APPL1: variants seen among roughly 807,000 people sequenced by gnomAD.
APPL1 encodes the protein DCC-interacting protein 13-alpha.
In APPL1, 42 loss-of-function variants were observed where a neutral mutation model predicts 106.8. That is an observed-to-expected ratio of 0.39 (90% confidence interval 0.31 to 0.51). The LOEUF is 0.51. Ranked by LOEUF, APPL1 falls within the 20% of genes least tolerant of loss-of-function variation. The probability of loss-of-function intolerance (pLI) is 0.75; values close to 1 mark genes in which losing one functional copy is unlikely to be tolerated. For missense variants in APPL1, 769 were observed against 858.2 expected, an observed-to-expected ratio of 0.90 and a Z score of 1.30; for synonymous variants, 263 against 281.8, an observed-to-expected ratio of 0.93 and a Z score of 0.67.
Position 57,273,060 on chromosome 3 carries a change from G to GACATAAAGATTT in APPL1, c.*3374_*3385dup. On this transcript the variant is annotated 3_prime_UTR_variant, in exon 22 of 22. Coordinates refer to ENST00000288266, the MANE Select transcript of APPL1 (RefSeq NM_012096.3). ...TTTGTCTTTCTACATTAACTAGTAA[G>GACATAAAGATTT]ACATAAAGATTTGAAACTGGAACTA... 1 of 152,684 alleles carries GACATAAAGATTT rather than the reference G, an allele frequency of 6.5e-6. No individual in the cohort carries two copies. Among genetic ancestry groups the GACATAAAGATTT allele is most frequent in the Middle Eastern group, 3.4e-3 (1 of 294 alleles). The allele number at this position is 152,684 out of a possible 1,614,324, so 9.5% of individuals were successfully genotyped here. A position where few individuals can be genotyped will look rare whatever the true frequency, so the allele number is the denominator to read the frequency against.
In APPL1 at chr3:57,249,530, C is replaced by T. The variant is rs141281784; in HGVS notation, c.1034C>T (p.Thr345Ile). 412 of 1,581,248 alleles carry T rather than the reference C, an allele frequency of 2.6e-4. No homozygotes were observed. The highest frequency in any genetic ancestry group is 3.4e-4 in the Non-Finnish European group (400 of 1,166,448). Residue 345 changes from threonine (T) to isoleucine (I), a missense_variant, in exon 11 of 22, where the codon ACC becomes ATC. Coordinates refer to ENST00000288266, the MANE Select transcript of APPL1 (RefSeq NM_012096.3). Reference sequence around the variant, plus strand: ...GACAGACGATATTGTTTTCAGATCACCTCTTTCGATGGAAAAAAGTTAGTA... The same window carrying T: ...GACAGACGATATTGTTTTCAGATCATCTCTTTCGATGGAAAAAAGTTAGTA... Reference protein sequence around the residue: ...CEDRRYCFQITSFDGKKSSIL... With the variant: ...CEDRRYCFQIISFDGKKSSIL...
intron 8 of APPL1, among the ~76,000 whole-genome samples, chr3:57,246,648 AG>A: frequency 6.6e-6 from 1 of 152,196 alleles, no homozygotes; most frequent in Non-Finnish European, 1.5e-5. Flanking sequence ...TACATCAGGA[AG>A]GGGGCTAGAA....
intron 12 of APPL1, among the ~76,000 whole-genome samples, chr3:57,252,579 T>C (rs1297699334): frequency 1.3e-5 from 2 of 152,218 alleles, no homozygotes; most frequent in East Asian, 1.9e-4. Flanking sequence ...ACTGTTGCTG[T>C]CTGGCAGGCT....
intron 19 of APPL1, 108 bp downstream of exon 19, chr3:57,260,882 A>ACTAAT: frequency 1.7e-6 from 2 of 1,193,152 alleles, no homozygotes; most frequent in Middle Eastern, 2.6e-4. Flanking sequence ...GTAATTACTG[A>ACTAAT]TTGAATTCTT....
intron 4 of APPL1, among the ~76,000 whole-genome samples, chr3:57,239,401 T>C (rs2060733407): frequency 6.6e-6 from 1 of 152,236 alleles, no homozygotes; most frequent in East Asian, 1.9e-4. Flanking sequence ...CTTCTTTATG[T>C]CTGTTTTCAC....
chr3:57,238,758 A>G (rs1381338978), intron 4 of APPL1, among the ~76,000 whole-genome samples: 2 of 152,218 alleles, frequency 1.3e-5, no homozygotes, highest in Non-Finnish European at 2.9e-5. Flanking sequence ...TAAAGAAATA[A>G]TGTAATTTTT....
At chr3:57,242,826 G>C in intron 6 of APPL1, 30 bp from the exon 7 acceptor site, 1 of 1,540,214 alleles carries the variant, frequency 6.5e-7, no homozygotes, top group Admixed American at 1.7e-5. Context: ...AAGTACTGTT[G>C]TATTGTTAAC....
intron 5 of APPL1, among the ~76,000 whole-genome samples, chr3:57,241,314 G>A (rs535721798): frequency 1.6e-4 from 25 of 152,228 alleles, no homozygotes; most frequent in Middle Eastern, 3.4e-3. Flanking sequence ...AGGGGTACTG[G>A]CACATCTAAC....
intron 1 of APPL1, chr3:57,230,654 G>C: frequency 3.3e-6 from 1 of 307,634 alleles, no homozygotes; most frequent in South Asian, 2.7e-5. Flanking sequence ...TTTATAAATA[G>C]GGCTGAGATT....
At chr3:57,245,612 G>C (rs1050628948) in intron 7 of APPL1, among the ~76,000 whole-genome samples, 2 of 149,656 alleles carry the variant, frequency 1.3e-5, no homozygotes, top group Admixed American at 1.3e-4. Context: ...GTGTGATCTT[G>C]GCTCACTGCA....
Position 57,270,414 on chromosome 3 carries a change from G to C in APPL1, c.*727G>C, listed in dbSNP as rs1428117521. ...TCAGGTTGGGACTTCAATTACTGCT[G>C]CAGAGCAGTAGTGGTTAAAAATAAG... On this transcript the variant is annotated 3_prime_UTR_variant, in exon 22 of 22. Coordinates refer to ENST00000288266, the MANE Select transcript of APPL1 (RefSeq NM_012096.3). 3 of 152,596 alleles carry C rather than the reference G, an allele frequency of 2.0e-5. No homozygotes were observed. Among genetic ancestry groups the C allele is most frequent in the Admixed American group, 2.0e-4 (3 of 15,284 alleles). 9.5% of individuals were successfully genotyped at this position (152,596 alleles called of 1,614,324 possible).
intron 18 of APPL1, 72 bp from the exon 19 acceptor site, chr3:57,260,556 A>T: frequency 3.6e-6 from 5 of 1,371,300 alleles, no homozygotes; most frequent in Non-Finnish European, 4.9e-6. Flanking sequence ...AACTTAGCAT[A>T]TGAGTTTGTC....
At position 57,257,293 on chromosome 3, in the gene APPL1, G is replaced by T. The variant is rs150911867; in HGVS notation, c.1295G>T (p.Gly432Val). 1 of 1,613,940 alleles carries T rather than the reference G, an allele frequency of 6.2e-7. No individual in the cohort carries two copies. Among genetic ancestry groups the T allele is most frequent in the African/African-American group, 1.3e-5 (1 of 74,888 alleles). The change falls in exon 15 of 22, where the codon GGA (glycine) becomes GTA (valine). Residue 432 changes from glycine (G) to valine (V), a missense_variant. Physicochemically the swap from Gly to Val is moderately radical, Grantham distance 109. Transcript: ENST00000288266. ...TARTSSSGSL[G>V]SESTNLAALS... is the part of the protein sequence containing the mutation. ...CGAACCAGCAGTTCAGGATCCTTAGGATCTGAGTCTACAAATTTGGCTGCC... is the reference window on the plus strand; with the variant it reads ...CGAACCAGCAGTTCAGGATCCTTAGTATCTGAGTCTACAAATTTGGCTGCC...
chr3:57,230,209 G>T (rs1433700601), intron 1 of APPL1, among the ~76,000 whole-genome samples: 3 of 151,144 alleles, frequency 2.0e-5, no homozygotes, highest in Non-Finnish European at 2.9e-5. Context: ...GGTTGACGAG[G>T]TTTTTAGTCA....
At chr3:57,259,004 C>A in intron 15 of APPL1, 24 bp from the exon 16 acceptor site, 1 of 1,589,046 alleles carries the variant, frequency 6.3e-7, no homozygotes, top group South Asian at 1.1e-5. Flanking sequence ...ACCATGTGTT[C>A]ATATTTTCTT....
intron 1 of APPL1, among the ~76,000 whole-genome samples, chr3:57,231,183 C>T (rs2060684827): frequency 6.6e-6 from 1 of 150,958 alleles, no homozygotes; most frequent in African/African-American, 2.4e-5. Context: ...CCTAAAAATA[C>T]AAAAAATTAG....
intron 20 of APPL1, 95 bp from the exon 21 acceptor site, chr3:57,268,303 A>G (rs2060908514): frequency 1.6e-6 from 2 of 1,269,328 alleles, no homozygotes; most frequent in Admixed American, 4.7e-5. Flanking sequence ...AATGCAAAAA[A>G]ATATTGAAAG....
chr3:57,249,277 T>C, intron 10 of APPL1, 83 bp from the exon 11 acceptor site: 1 of 1,455,050 alleles, frequency 6.9e-7, no homozygotes, highest in Non-Finnish European at 9.5e-7. Context: ...CAGTTCATTG[T>C]AACATGCTTT....
Position 57,272,317 on chromosome 3 carries a change from C to T in APPL1, c.*2630C>T, listed in dbSNP as rs2060947632. On this transcript the variant is annotated 3_prime_UTR_variant, in exon 22 of 22. Coordinates refer to ENST00000288266, the MANE Select transcript of APPL1 (RefSeq NM_012096.3). ...TAAAGCTATTATCTTGAACAGAGTCCCTAAAGCTAGTCTAGTTTTTGCCAC... is the reference window on the plus strand; with the variant it reads ...TAAAGCTATTATCTTGAACAGAGTCTCTAAAGCTAGTCTAGTTTTTGCCAC... 6.6e-6 allele frequency: 1 copy of T among 151,968 alleles called. No homozygotes were observed. The highest frequency in any genetic ancestry group is 1.5e-5 in the Non-Finnish European group (1 of 67,994). The allele number at this position is 151,968 out of a possible 1,614,324, so 9.4% of individuals were successfully genotyped here.
Sources: allele counts gnomAD v4.1 joint callset (sites outside exome capture counted in the v4.1 genomes callset), GRCh38; gene constraint gnomAD v4.1.1; transcripts MANE v1.5; gene names NCBI Gene and HGNC (gene_info 2026-07-23, HGNC 2026-07-21).